The following TNFRSF10A variants were observed in gnomAD, a reference collection of about 807,000 sequenced individuals.
TNFRSF10A encodes TNF receptor superfamily member 10a.
TNFRSF10A carries 44 observed loss-of-function variants against 42.8 expected under a neutral mutation model. That is an observed-to-expected ratio of 1.03 (90% confidence interval 0.81 to 1.32). The LOEUF (loss-of-function observed/expected upper bound fraction) is 1.32. Ranked by LOEUF, TNFRSF10A falls within the 40% of genes most tolerant of loss-of-function variation. TNFRSF10A has a pLI of 0.00. For missense variants in TNFRSF10A, 680 were observed against 602.0 expected (o/e 1.13, Z -1.36); for synonymous variants, 259 against 234.2 (o/e 1.11, Z -0.97).
intron 1 of TNFRSF10A, 62 bp from the exon 2 acceptor site, chr8:23,212,274 A>G (rs1406815229): frequency 6.4e-6 from 9 of 1,412,726 alleles, no homozygotes; most frequent in Non-Finnish European, 9.0e-6. Flanking sequence ...TACAAGATCA[A>G]TCTCACATTC....
At chr8:23,203,251 A>T (rs1374456766) in intron 2 of TNFRSF10A, among the ~76,000 whole-genome samples, 1 of 152,178 alleles carries the variant, frequency 6.6e-6, no homozygotes, top group Non-Finnish European at 1.5e-5. Flanking sequence ...CATCCCTGGA[A>T]ACTCACAAAA....
intron 3 of TNFRSF10A, 134 bp downstream of exon 3, chr8:23,202,514 A>C (rs1212500892): frequency 3.0e-6 from 2 of 673,596 alleles, no homozygotes; most frequent in Non-Finnish European, 5.4e-6. Flanking sequence ...TATGGACCTA[A>C]GACATAACCA....
In TNFRSF10A at chr8:23,192,028, C is replaced by A; in HGVS notation, c.1088-15G>T. ...CAGCATCAGAGCTGGGTGGAGAAAGCCACAGAGACAGCCAGATGAGTTGGG... is the reference window on the plus strand; with the variant it reads ...CAGCATCAGAGCTGGGTGGAGAAAGACACAGAGACAGCCAGATGAGTTGGG... On this transcript the variant is annotated splice_polypyrimidine_tract_variant and intron_variant, in intron 9 of 9. Coordinates refer to ENST00000221132, the MANE Select transcript of TNFRSF10A (RefSeq NM_003844.4). 2.5e-6 allele frequency: 4 copies of A among 1,605,098 alleles called. No individual in the cohort carries two copies. Among genetic ancestry groups the A allele is most frequent in the Non-Finnish European group, 3.4e-6 (4 of 1,176,836 alleles).
intron 9 of TNFRSF10A, among the ~76,000 whole-genome samples, chr8:23,196,871 GA>G (rs1031350401): frequency 4.6e-5 from 7 of 152,168 alleles, no homozygotes; most frequent in African/African-American, 1.7e-4. Flanking sequence ...TTGTTCTCCT[GA>G]ACAACAAAGG....
Position 23,191,818 on chromosome 8 carries a change from A to G in TNFRSF10A, c.1283T>C (p.Leu428Pro), listed in dbSNP as rs373461559. The G allele has an allele frequency of 4.2e-5, 68 of 1,614,064 alleles. No homozygotes were observed. The African/African-American group carries it at 7.3e-4, about 17-fold the overall frequency. The change falls in exon 10 of 10, where the codon CTG (leucine) becomes CCG (proline). Residue 428 changes from leucine to proline, a missense_variant. Physicochemically the swap from Leu to Pro is moderately conservative, Grantham distance 98. Transcript: ENST00000221132. The part of the protein sequence containing the change: ...KTGRNASIHT[L>P]LDALERMEER... ...TTCCATCCTCTCCAAGGCATCCAGC[A>G]GGGTGTGGATCGAGGCGTTCCGTCC...
intron 9 of TNFRSF10A, among the ~76,000 whole-genome samples, chr8:23,196,339 G>A (rs529445465): frequency 7.9e-5 from 12 of 151,646 alleles, no homozygotes; most frequent in Non-Finnish European, 1.2e-4. Context: ...GACTACAGGC[G>A]CCCGCCAATA....
intron 1 of TNFRSF10A, among the ~76,000 whole-genome samples, chr8:23,217,779 G>A (rs917656601): frequency 6.6e-6 from 1 of 152,126 alleles, no homozygotes; most frequent in Non-Finnish European, 1.5e-5. Flanking sequence ...GCTGTGCAAG[G>A]AATCGTGGGG....
In TNFRSF10A at chr8:23,198,603, C is replaced by T. The variant is rs369492356; in HGVS notation, c.1014+663G>A. Among the ~76,000 whole-genome samples, 263 of 151,452 alleles carry T rather than the reference C, an allele frequency of 1.7e-3. 12 individuals carry two copies. In the South Asian group the frequency reaches 0.054, roughly 31 times the overall value. ...AATGTTCGTTTAAAACAATGTTTTC[C>T]TAAATAGCAAAAAAAAGAAAAAAAA... On this transcript the variant is annotated intron_variant, in intron 8 of 9. Coordinates refer to ENST00000221132, the MANE Select transcript of TNFRSF10A (RefSeq NM_003844.4).
intron 1 of TNFRSF10A, among the ~76,000 whole-genome samples, chr8:23,219,619 TCTC>T (rs1340245287): frequency 2.0e-5 from 3 of 151,848 alleles, no homozygotes; most frequent in African/African-American, 4.8e-5. Flanking sequence ...AGAACAAAGA[TCTC>T]CTCCCCACAG....
intron 1 of TNFRSF10A, among the ~76,000 whole-genome samples, chr8:23,221,767 C>T (rs1270732362): frequency 6.6e-6 from 1 of 152,138 alleles, no homozygotes. Context: ...TCTCTAATAA[C>T]ACTGAAACAA....
Position 23,199,358 on chromosome 8 carries a change from T to C in TNFRSF10A, c.922A>G (p.Thr308Ala). The C allele has an allele frequency of 6.2e-7, 1 of 1,614,178 alleles. No individual in the cohort carries two copies. The highest frequency in any genetic ancestry group is 8.5e-7 in the Non-Finnish European group (1 of 1,180,020). The change falls in exon 8 of 10, where the codon ACT (threonine) becomes GCT (alanine). Residue 308 changes from threonine to alanine, a missense_variant. Thr to Ala is a moderately conservative substitution (Grantham distance 58). Transcript: ENST00000221132. ...EILSNADSLSTFVSEQQMESQ... is the reference protein window; with the variant it reads ...EILSNADSLSAFVSEQQMESQ... ...TCCATTTGCTGCTCAGAGACGAAAGTGGACAGCGAGTCTGCGTTGCTCAGA... is the reference window on the plus strand; with the variant it reads ...TCCATTTGCTGCTCAGAGACGAAAGCGGACAGCGAGTCTGCGTTGCTCAGA...
chr8:23,216,680 T>G (rs1801187997), intron 1 of TNFRSF10A, among the ~76,000 whole-genome samples: 1 of 150,878 alleles, frequency 6.6e-6, no homozygotes, highest in African/African-American at 2.4e-5. Flanking sequence ...AGGCAGAGGT[T>G]GCAGTGAACC....
chr8:23,200,066 T>A (rs1800885232), intron 6 of TNFRSF10A, 149 bp from the exon 7 acceptor site: 1 of 901,050 alleles, frequency 1.1e-6, no homozygotes, highest in Non-Finnish European at 1.7e-6. Flanking sequence ...CCCTGCTAAC[T>A]CGGGAGATCC....
Position 23,199,249 on chromosome 8 carries a change from G to A in TNFRSF10A, c.1014+17C>T. On this transcript the variant is annotated intron_variant, in intron 8 of 9. Coordinates refer to ENST00000221132, the MANE Select transcript of TNFRSF10A (RefSeq NM_003844.4). ...CCCCTGCCTACAAGGTCTTGGAGGG[G>A]CCTGTCCCCAACTCACCAGCAGACA... The A allele has an allele frequency of 1.2e-6, 2 of 1,606,308 alleles. No homozygotes were observed. Among genetic ancestry groups the A allele is most frequent in the South Asian group, 2.2e-5 (2 of 90,946 alleles).
In TNFRSF10A at chr8:23,191,886, C is replaced by T. The variant is rs1296346528; in HGVS notation, c.1215G>A (p.Gly405=). 1 of 1,614,118 alleles carries T rather than the reference C, an allele frequency of 6.2e-7. No homozygotes were observed. The change falls in exon 10 of 10, where the codon GGG becomes GGA. Residue 405 remains glycine (G), a synonymous_variant. Transcript: ENST00000221132. ...TCATCAGCATTGCATACAAGGCATCCCCTGGGCCTGCTGTACCAGCTCTGA... is the reference window on the plus strand; with the variant it reads ...TCATCAGCATTGCATACAAGGCATCTCCTGGGCCTGCTGTACCAGCTCTGA... The part of the protein sequence containing the change: ...DVVRAGTAGP[G]DALYAMLMKW...
intron 2 of TNFRSF10A, among the ~76,000 whole-genome samples, chr8:23,205,069 G>A (rs918791524): frequency 1.3e-5 from 2 of 151,960 alleles, no homozygotes; most frequent in African/African-American, 4.8e-5. Context: ...AAATAATACA[G>A]ATTAGAGCAG....
chr8:23,218,150 G>A (rs1043545982), intron 1 of TNFRSF10A, among the ~76,000 whole-genome samples: 3 of 151,436 alleles, frequency 2.0e-5, no homozygotes, highest in Non-Finnish European at 4.4e-5. Flanking sequence ...GAGGTTGTGT[G>A]TGTGTTTGTG....
intron 2 of TNFRSF10A, among the ~76,000 whole-genome samples, chr8:23,209,843 G>A (rs374319284): frequency 1.3e-5 from 2 of 152,200 alleles, no homozygotes; most frequent in African/African-American, 2.4e-5. Flanking sequence ...TAAGACTTTG[G>A]GGGACTGTTG....
At chr8:23,195,611 G>A (rs1800812385) in intron 9 of TNFRSF10A, among the ~76,000 whole-genome samples, 1 of 152,178 alleles carries the variant, frequency 6.6e-6, no homozygotes, top group Non-Finnish European at 1.5e-5. Flanking sequence ...AGCCAACTTA[G>A]GAGAGCCTAT....
Sources: allele counts gnomAD v4.1 joint callset (sites outside exome capture counted in the v4.1 genomes callset), GRCh38; gene constraint gnomAD v4.1.1; transcripts MANE v1.5; gene names NCBI Gene and HGNC (gene_info 2026-07-23, HGNC 2026-07-21).